ZNF609: variants seen among roughly 807,000 people sequenced by gnomAD.
ZNF609 encodes zinc finger protein 609.
Under a neutral mutation model 109.5 loss-of-function variants are expected in ZNF609, and 11 were observed. The observed-to-expected ratio is 0.10, with a 90% CI of 0.06 to 0.17. The LOEUF is 0.17. ZNF609 is among the 10% of genes least tolerant of loss of function. The pLI, the probability that ZNF609 is intolerant of heterozygous loss-of-function variation, is 1.00. For missense variants in ZNF609, 1,559 were observed against 1,772.4 expected (o/e 0.88, Z 2.16); for synonymous variants, 646 against 662.0 (o/e 0.98, Z 0.37).
chr15:64,486,306 C>T (rs889736373), intron 1 of ZNF609, among the ~76,000 whole-genome samples: 1 of 152,110 alleles, frequency 6.6e-6, no homozygotes, highest in Admixed American at 6.5e-5. Flanking sequence ...GGCGGATCAC[C>T]TGAGGTCAGG....
intron 2 of ZNF609, among the ~76,000 whole-genome samples, chr15:64,620,794 C>T (rs79652036): frequency 7.3e-4 from 111 of 152,242 alleles, no homozygotes; most frequent in Non-Finnish European, 9.1e-4. Context: ...AAGTCAGAGC[C>T]AACTGTGGAG....
In ZNF609 at chr15:64,474,075, T is replaced by C. The variant is rs184920231; in HGVS notation, c.-128+13237T>C. Among the ~76,000 whole-genome samples, 217 of 151,044 alleles carry C rather than the reference T, an allele frequency of 1.4e-3. 3 individuals are homozygous for C. Among genetic ancestry groups the C allele is most frequent in the African/African-American group, 5.1e-3 (212 of 41,234 alleles). On this transcript the variant is annotated intron_variant, in intron 1 of 9. Coordinates refer to ENST00000326648, the MANE Select transcript of ZNF609 (RefSeq NM_015042.2). Reference sequence around the variant, plus strand: ...GGCGTGAGCTACCGTGCCTGGCCAATTTTTATATTTTTAGTAGAGACGGGG... The same window carrying C: ...GGCGTGAGCTACCGTGCCTGGCCAACTTTTATATTTTTAGTAGAGACGGGG...
intron 2 of ZNF609, among the ~76,000 whole-genome samples, chr15:64,542,959 A>T (rs1894291700): frequency 6.6e-6 from 1 of 152,116 alleles, no homozygotes; most frequent in Non-Finnish European, 1.5e-5. Context: ...ACATGGACAC[A>T]GGGAGGGGAA....
At chr15:64,486,524 C>CAA (rs35701301) in intron 1 of ZNF609, among the ~76,000 whole-genome samples, 7 of 113,066 alleles carry the variant, frequency 6.2e-5, no homozygotes, top group African/African-American at 2.0e-4. Flanking sequence ...ACTCTGTCTC[C>CAA]AAAAAAAAAA....
chr15:64,529,037 C>T (rs1048226435), intron 2 of ZNF609: 28 of 1,456,878 alleles, frequency 1.9e-5, no homozygotes, highest in South Asian at 4.7e-5. Flanking sequence ...GGCTTGGCAG[C>T]GCCAGTAGAG....
At chr15:64,594,109 AAAG>A (rs2140941173) in intron 2 of ZNF609, among the ~76,000 whole-genome samples, 1 of 152,326 alleles carries the variant, frequency 6.6e-6, no homozygotes, top group Non-Finnish European at 1.5e-5. Context: ...AGAAGAACTG[AAAG>A]AATAGGTTGA....
At chr15:64,543,062 T>TGACG (rs1894294235) in intron 2 of ZNF609, among the ~76,000 whole-genome samples, 1 of 152,168 alleles carries the variant, frequency 6.6e-6, no homozygotes, top group Admixed American at 6.5e-5. Context: ...AAAACCTAGA[T>TGACG]GACGGGTTGA....
At chr15:64,609,068 CTT>C (rs1423992452) in intron 2 of ZNF609, among the ~76,000 whole-genome samples, 33 of 23,552 alleles carry the variant, frequency 1.4e-3, no homozygotes, top group African/African-American at 3.2e-3. Flanking sequence ...TTTAATTTTT[CTT>C]TCTTTCTTTC....
Position 64,565,047 on chromosome 15 carries a change from C to CT in ZNF609, c.748-57771dup, listed in dbSNP as rs1191719814. On this transcript the variant is annotated intron_variant, in intron 2 of 9. Transcript: ENST00000326648. Reference sequence around the variant, plus strand: ...GTATTTTTAGTAGAGACGGGGTTTTCTTTTTTTTTCTTTTTTTTTTTTTGA... The same window carrying CT: ...GTATTTTTAGTAGAGACGGGGTTTTCTTTTTTTTTTCTTTTTTTTTTTTTGA... Among the ~76,000 whole-genome samples, 8 of 139,222 alleles carry CT rather than the reference C, an allele frequency of 5.7e-5. No homozygotes were observed. In the East Asian group the frequency reaches 1.2e-3, roughly 22 times the overall value. 91.3% of individuals were successfully genotyped at this position (139,222 alleles called of 152,430 possible). A position where few individuals can be genotyped will look rare whatever the true frequency, so the allele number is the denominator to read the frequency against.
At chr15:64,631,715 T>TC in intron 3 of ZNF609, 1 of 229,570 alleles carries the variant, frequency 4.4e-6, no homozygotes. Context: ...TATTTTTTTT[T>TC]TTTTTTTTAG....
intron 2 of ZNF609, among the ~76,000 whole-genome samples, chr15:64,610,245 T>C (rs1895695564): frequency 1.3e-5 from 2 of 152,030 alleles, no homozygotes; most frequent in African/African-American, 4.8e-5. Flanking sequence ...TTCTCACTTA[T>C]TAGTGAGAGC....
At chr15:64,550,442 C>A (rs1384805595) in intron 2 of ZNF609, among the ~76,000 whole-genome samples, 1 of 151,968 alleles carries the variant, frequency 6.6e-6, no homozygotes, top group African/African-American at 2.4e-5. Flanking sequence ...GCCTCTAATC[C>A]CAGCACTCTG....
intron 3 of ZNF609, among the ~76,000 whole-genome samples, chr15:64,658,479 G>C (rs1422515831): frequency 6.6e-6 from 1 of 152,022 alleles, no homozygotes; most frequent in Non-Finnish European, 1.5e-5. Context: ...TTACAGGTGT[G>C]AGCCACCGCG....
At chr15:64,554,745 A>G (rs1340491400) in intron 2 of ZNF609, among the ~76,000 whole-genome samples, 1 of 152,082 alleles carries the variant, frequency 6.6e-6, no homozygotes, top group Non-Finnish European at 1.5e-5. Flanking sequence ...TATAAACCTC[A>G]CTTGATCATG....
chr15:64,541,440 A>AT (rs2140381572), intron 2 of ZNF609, among the ~76,000 whole-genome samples: 1 of 151,624 alleles, frequency 6.6e-6, no homozygotes, highest in East Asian at 2.0e-4. Context: ...AAAAAAAAAA[A>AT]AAAAAGAATT....
chr15:64,533,309 C>T (rs1208459751), intron 2 of ZNF609, among the ~76,000 whole-genome samples: 2 of 152,176 alleles, frequency 1.3e-5, no homozygotes, highest in African/African-American at 4.8e-5. Context: ...TCTCAGCCCT[C>T]CCAAAGTACT....
intron 2 of ZNF609, among the ~76,000 whole-genome samples, chr15:64,533,068 T>C (rs1894084948): frequency 6.6e-6 from 1 of 152,032 alleles, no homozygotes; most frequent in Non-Finnish European, 1.5e-5. Context: ...TTTTTTTTTT[T>C]TGAGACAGAG....
chr15:64,553,431 T>C (rs1894519264), intron 2 of ZNF609, among the ~76,000 whole-genome samples: 2 of 152,012 alleles, frequency 1.3e-5, no homozygotes, highest in African/African-American at 4.8e-5. Context: ...CAATATTTTG[T>C]TTTCAGTGTG....
intron 2 of ZNF609, among the ~76,000 whole-genome samples, chr15:64,599,450 A>G (rs759791006): frequency 2.5e-4 from 38 of 152,254 alleles, no homozygotes; most frequent in Middle Eastern, 6.8e-3. Context: ...GCAGTAAATC[A>G]TCTCTCAGCC....
Sources: allele counts gnomAD v4.1 joint callset (sites outside exome capture counted in the v4.1 genomes callset), GRCh38; gene constraint gnomAD v4.1.1; transcripts MANE v1.5; gene names NCBI Gene and HGNC (gene_info 2026-07-23, HGNC 2026-07-21).